EPHA4: variants seen among roughly 807,000 people sequenced by gnomAD.
The protein encoded by EPHA4 is ephrin type-A receptor 4.
In EPHA4, 19 loss-of-function variants were observed where a neutral mutation model predicts 108.3. The ratio of observed to expected loss-of-function variants is 0.18; its 90% CI spans 0.12 to 0.26. EPHA4 has a LOEUF of 0.26. Among genes scored for constraint, EPHA4 ranks in the 10% least tolerant of loss-of-function variants. The pLI, the probability that EPHA4 is intolerant of heterozygous loss-of-function variation, is 1.00. For synonymous variants in EPHA4, 449 were observed against 455.5 expected (o/e 0.99, Z 0.18); for missense variants, 917 against 1,254.0 (o/e 0.73, Z 4.06).
At chr2:221,436,308 T>TA (rs1690235735) in intron 13 of EPHA4, 91 bp downstream of exon 13, 11 of 1,262,842 alleles carry the variant, frequency 8.7e-6, no homozygotes, top group East Asian at 5.0e-5. Flanking sequence ...ACTTAAAAAA[T>TA]AAAAAAATTA....
intron 3 of EPHA4, among the ~76,000 whole-genome samples, chr2:221,522,447 C>T (rs1693191564): frequency 6.6e-6 from 1 of 152,136 alleles, no homozygotes; most frequent in South Asian, 2.1e-4. Flanking sequence ...GCTAAAAACA[C>T]CTGTTCAATG....
In EPHA4 at chr2:221,436,386, C is replaced by G. The variant is rs202113758; in HGVS notation, c.2346+13G>C. The G allele has an allele frequency of 1.1e-3, 1,772 of 1,612,582 alleles. 15 individuals carry two copies. The South Asian group carries it at 0.012, about 11-fold the overall frequency. On this transcript the variant is annotated intron_variant, in intron 13 of 17. Coordinates refer to ENST00000281821, the MANE Select transcript of EPHA4 (RefSeq NM_004438.5). ...ACCAGAGTGAAAGCCCAGATGTCAC[C>G]GATCTTTCTTACCCTGGTGGTGTAA...
At chr2:221,541,719 G>T (rs1161742375) in intron 3 of EPHA4, among the ~76,000 whole-genome samples, 2 of 152,170 alleles carry the variant, frequency 1.3e-5, no homozygotes, top group African/African-American at 4.8e-5. Context: ...CCTTGGTCTG[G>T]ACCAGCAGTA....
chr2:221,423,306 C>T (rs995165708), intron 17 of EPHA4, among the ~76,000 whole-genome samples: 1 of 152,182 alleles, frequency 6.6e-6, no homozygotes, highest in African/African-American at 2.4e-5. Flanking sequence ...TTTCAGTTGG[C>T]TTTAGAATCC....
At chr2:221,536,930 T>C (rs1171083658) in intron 3 of EPHA4, among the ~76,000 whole-genome samples, 3 of 152,140 alleles carry the variant, frequency 2.0e-5, no homozygotes, top group African/African-American at 4.8e-5. Context: ...ATACTGAAAA[T>C]AAAGTGCTTA....
chr2:221,468,780 A>G (rs925274593), intron 5 of EPHA4, among the ~76,000 whole-genome samples: 1 of 152,228 alleles, frequency 6.6e-6, no homozygotes, highest in African/African-American at 2.4e-5. Flanking sequence ...CAGATGCTTG[A>G]TGATTTCCTA....
intron 3 of EPHA4, among the ~76,000 whole-genome samples, chr2:221,554,988 C>T (rs1361923351): frequency 6.6e-6 from 1 of 152,178 alleles, no homozygotes; most frequent in Non-Finnish European, 1.5e-5. Flanking sequence ...TGAATAGTGC[C>T]ATCCCCTCCC....
intron 5 of EPHA4, among the ~76,000 whole-genome samples, chr2:221,471,140 G>C (rs1338632664): frequency 6.6e-6 from 1 of 152,088 alleles, no homozygotes; most frequent in Non-Finnish European, 1.5e-5. Context: ...CTGTGTTTGA[G>C]AATTGAGAAT....
chr2:221,522,991 G>T (rs1402969067), intron 3 of EPHA4, among the ~76,000 whole-genome samples: 1 of 152,050 alleles, frequency 6.6e-6, no homozygotes. Flanking sequence ...TCGAATTCCT[G>T]ACCTCAGGTG....
At chr2:221,498,390 C>T (rs1692366775) in intron 4 of EPHA4, among the ~76,000 whole-genome samples, 1 of 152,126 alleles carries the variant, frequency 6.6e-6, no homozygotes, top group South Asian at 2.1e-4. Flanking sequence ...CCCCAGATTC[C>T]TACAAGAAAA....
In EPHA4 at chr2:221,443,004, A is replaced by G; in HGVS notation, c.1899T>C (p.Gly633=). The part of the protein sequence containing the change: ...IEKVIGVGEF[G]EVCSGRLKVP... ...CTTTGAGACGCCCACTGCATACCTC[A>G]CCAAATTCACCTTTGAGAGAGAAAA... is the stretch of plus-strand genomic sequence containing the variant. The change falls in exon 11 of 18, where the codon GGT becomes GGC. Residue 633 remains glycine (G), a synonymous_variant. Coordinates refer to ENST00000281821, the MANE Select transcript of EPHA4 (RefSeq NM_004438.5). The G allele has an allele frequency of 2.5e-6, 4 of 1,612,970 alleles. No individual in the cohort carries two copies. The highest frequency in any genetic ancestry group is 3.4e-6 in the Non-Finnish European group (4 of 1,179,620).
intron 3 of EPHA4, among the ~76,000 whole-genome samples, chr2:221,528,352 A>C (rs934237297): frequency 2.0e-5 from 3 of 152,178 alleles, no homozygotes; most frequent in Non-Finnish European, 2.9e-5. Flanking sequence ...TTTAAACAGG[A>C]AGTGTATATT....
At chr2:221,490,289 A>G (rs915865750) in intron 4 of EPHA4, among the ~76,000 whole-genome samples, 5 of 152,014 alleles carry the variant, frequency 3.3e-5, no homozygotes, top group South Asian at 4.2e-4. Flanking sequence ...AAGAAAGAAA[A>G]TCAAGTCTGC....
chr2:221,553,366 TGAAGTCTTAAATCAGG>T (rs1694216961), intron 3 of EPHA4, among the ~76,000 whole-genome samples: 1 of 152,226 alleles, frequency 6.6e-6, no homozygotes, highest in Non-Finnish European at 1.5e-5. Flanking sequence ...CTGGGAAACG[TGAAGTCTTAAATCAGG>T]GAAGTTCTTA....
intron 16 of EPHA4, 114 bp from the exon 17 acceptor site, chr2:221,426,256 A>G (rs960856631): frequency 1.9e-6 from 2 of 1,061,164 alleles, no homozygotes; most frequent in African/African-American, 1.6e-5. Context: ...ACAGCACAAC[A>G]AGGCAGGTGT....
chr2:221,489,085 T>C (rs895159417), intron 4 of EPHA4, among the ~76,000 whole-genome samples: 2 of 152,184 alleles, frequency 1.3e-5, no homozygotes, highest in African/African-American at 4.8e-5. Context: ...AAGTCAGAAA[T>C]GTCTCCAGTG....
At chr2:221,534,086 A>T (rs1016665674) in intron 3 of EPHA4, among the ~76,000 whole-genome samples, 1 of 152,228 alleles carries the variant, frequency 6.6e-6, no homozygotes, top group Admixed American at 6.5e-5. Context: ...GTAGGCAGGG[A>T]CTCAATTTCA....
At chr2:221,489,061 C>T (rs1692061986) in intron 4 of EPHA4, among the ~76,000 whole-genome samples, 1 of 152,110 alleles carries the variant, frequency 6.6e-6, no homozygotes, top group Non-Finnish European at 1.5e-5. Context: ...AGCCGTCAGC[C>T]AACACTAAAC....
intron 3 of EPHA4, among the ~76,000 whole-genome samples, chr2:221,556,915 T>C (rs974966322): frequency 6.6e-6 from 1 of 152,024 alleles, no homozygotes; most frequent in African/African-American, 2.4e-5. Flanking sequence ...TGTATAAGGG[T>C]TTGGTACTAT....
Sources: gnomAD v4.1 joint callset for allele counts (sites outside exome capture counted in the v4.1 genomes callset) on GRCh38, gnomAD v4.1.1 for gene constraint, MANE v1.5 for transcripts, NCBI Gene and HGNC (gene_info 2026-07-23, HGNC 2026-07-21) for gene names.